Variants in NAV3 observed in about 807,000 individuals in gnomAD.
The protein encoded by NAV3 is pore membrane and/or filament interacting like protein 1.
In NAV3, 87 loss-of-function variants were observed where a neutral mutation model predicts 244.7. The observed-to-expected ratio is 0.36, with a 90% confidence interval of 0.30 to 0.42. NAV3 has a LOEUF of 0.42. Ranked by LOEUF, NAV3 falls within the 20% of genes least tolerant of loss-of-function variation. NAV3 has a pLI of 1.00. For synonymous variants in NAV3, 1,126 were observed against 1,042.2 expected, an observed-to-expected ratio of 1.08 and a Z score of -1.55; for missense variants, 2,663 against 2,893.3, an observed-to-expected ratio of 0.92 and a Z score of 1.83.
At chr12:77,837,808 A>C (rs1874932726) in intron 1 of NAV3, among the ~76,000 whole-genome samples, 1 of 152,252 alleles carries the variant, frequency 6.6e-6, no homozygotes, top group African/African-American at 2.4e-5. Context: ...TGAAGTGCCT[A>C]GAATTATCAG....
intron 19 of NAV3, among the ~76,000 whole-genome samples, chr12:78,139,332 T>C (rs1055534717): frequency 1.3e-5 from 2 of 152,126 alleles, no homozygotes; most frequent in African/African-American, 4.8e-5. Flanking sequence ...ACCTCCCATA[T>C]GTCCTTGTAG....
chr12:77,810,765 T>A (rs1000929754), intron 2 of NAV3, among the ~76,000 whole-genome samples: 1 of 152,214 alleles, frequency 6.6e-6, no homozygotes, highest in African/African-American at 2.4e-5. Context: ...TTTCAATCTT[T>A]AACAAATATT....
intron 1 of NAV3, among the ~76,000 whole-genome samples, chr12:77,880,897 G>A (rs191459222): frequency 8.3e-4 from 126 of 152,196 alleles, no homozygotes; most frequent in African/African-American, 2.6e-3. Context: ...CTAAGAAGGC[G>A]TTTCTTAGAA....
At chr12:78,053,458 T>C (rs1215158763) in intron 11 of NAV3, among the ~76,000 whole-genome samples, 3 of 152,128 alleles carry the variant, frequency 2.0e-5, no homozygotes, top group Admixed American at 1.3e-4. Flanking sequence ...TTGCTTTACG[T>C]AAGTCTCTCT....
intron 2 of NAV3, among the ~76,000 whole-genome samples, chr12:77,822,896 GA>G (rs1361491681): frequency 6.6e-6 from 1 of 151,502 alleles, no homozygotes; most frequent in Admixed American, 6.6e-5. Flanking sequence ...GAATGGATTG[GA>G]AAAAAAAGAA....
chr12:77,754,216 C>CTCCA (rs1378804595), intron 2 of NAV3, among the ~76,000 whole-genome samples: 3 of 152,074 alleles, frequency 2.0e-5, no homozygotes, highest in Non-Finnish European at 2.9e-5. Context: ...CTCTCAGGTG[C>CTCCA]TCCACTCTCC....
chr12:77,987,928 T>G (rs1284898915), intron 5 of NAV3, among the ~76,000 whole-genome samples: 3 of 152,166 alleles, frequency 2.0e-5, no homozygotes, highest in Admixed American at 2.0e-4. Context: ...TGACAGTGAG[T>G]GAACCTGTAT....
At chr12:77,977,712 G>GCGCACACACACACACACGCGCGCA (rs1349366739) in intron 5 of NAV3, among the ~76,000 whole-genome samples, 1 of 143,000 alleles carries the variant, frequency 7.0e-6, no homozygotes, top group South Asian at 2.2e-4. Flanking sequence ...ACACACACGC[G>GCGCACACACACACACACGCGCGCA]CACACACACA....
At chr12:78,069,631 C>G (rs1952652017) in intron 12 of NAV3, among the ~76,000 whole-genome samples, 1 of 151,942 alleles carries the variant, frequency 6.6e-6, no homozygotes, top group Non-Finnish European at 1.5e-5. Context: ...AGAGCTAGTG[C>G]AATAAACCAT....
chr12:77,786,728 T>A (rs183854013), intron 2 of NAV3, among the ~76,000 whole-genome samples: 75 of 152,284 alleles, frequency 4.9e-4, no homozygotes, highest in African/African-American at 1.5e-3. Flanking sequence ...TCGCCCTCTT[T>A]TCTACTCCTA....
chr12:77,913,135 C>T (rs968975662), intron 1 of NAV3, among the ~76,000 whole-genome samples: 6 of 151,972 alleles, frequency 3.9e-5, no homozygotes, highest in African/African-American at 1.4e-4. Context: ...AAAACATGGT[C>T]TATATGGTTT....
intron 12 of NAV3, among the ~76,000 whole-genome samples, chr12:78,098,466 A>G (rs2138162256): frequency 6.6e-6 from 1 of 152,046 alleles, no homozygotes; most frequent in South Asian, 2.1e-4. Context: ...GTAAACCACA[A>G]TAATAAATAG....
At chr12:77,727,972 A>T (rs780176254) in intron 2 of NAV3, among the ~76,000 whole-genome samples, 184 of 151,868 alleles carry the variant, frequency 1.2e-3, no homozygotes, top group Non-Finnish European at 2.4e-3. Flanking sequence ...AAAACACCCA[A>T]ATTGGCCTCA....
chr12:78,065,415 A>G (rs142412014), intron 12 of NAV3, among the ~76,000 whole-genome samples: 2,430 of 152,260 alleles, frequency 0.016, 18 homozygotes, highest in Non-Finnish European at 0.024. Flanking sequence ...GAACATTTGT[A>G]TCTCAAATGT....
chr12:78,129,384 A>G (rs1240382098), intron 18 of NAV3, among the ~76,000 whole-genome samples: 2 of 152,226 alleles, frequency 1.3e-5, no homozygotes, highest in Non-Finnish European at 2.9e-5. Flanking sequence ...TTCTTTTAAC[A>G]CTGTTAAAGT....
At chr12:77,651,420 C>CT (rs1041792685) in intron 2 of NAV3, among the ~76,000 whole-genome samples, 3 of 151,992 alleles carry the variant, frequency 2.0e-5, no homozygotes, top group South Asian at 2.1e-4. Flanking sequence ...TTTCCCGTGC[C>CT]TTTTTTTTCT....
At chr12:78,030,646 C>T (rs1241476412) in intron 9 of NAV3, among the ~76,000 whole-genome samples, 2 of 152,122 alleles carry the variant, frequency 1.3e-5, no homozygotes, top group African/African-American at 2.4e-5. Flanking sequence ...ACATGCCAGA[C>T]ATCTCAAAAT....
intron 1 of NAV3, among the ~76,000 whole-genome samples, chr12:77,910,564 G>T (rs1886479756): frequency 6.6e-6 from 1 of 152,038 alleles, no homozygotes; most frequent in Non-Finnish European, 1.5e-5. Context: ...ATGATCTTTT[G>T]CCTATGTCTA....
At chr12:77,849,502 G>T (rs1394638417) in intron 1 of NAV3, among the ~76,000 whole-genome samples, 1 of 152,126 alleles carries the variant, frequency 6.6e-6, no homozygotes, top group Non-Finnish European at 1.5e-5. Context: ...CTGATTTCAG[G>T]TGATGGGTTG....
Sources: allele counts gnomAD v4.1 joint callset (sites outside exome capture counted in the v4.1 genomes callset), GRCh38; gene constraint gnomAD v4.1.1; transcripts MANE v1.5; gene names NCBI Gene and HGNC (gene_info 2026-07-23, HGNC 2026-07-21).